The following GRM5 variants were observed in gnomAD, a reference collection of about 807,000 sequenced individuals.
GRM5 encodes the protein glutamate metabotropic receptor 5, also known as metabotropic glutamate receptor 5.
A neutral mutation model predicts 83.1 loss-of-function variants in GRM5; 19 were observed. The observed-to-expected ratio is 0.23, with a 90% confidence interval of 0.16 to 0.34. GRM5 has a LOEUF of 0.34. GRM5 is among the 10% of genes least tolerant of loss of function. GRM5 has a pLI of 1.00. For synonymous variants in GRM5, 675 were observed against 633.6 expected, an observed-to-expected ratio of 1.07 and a Z score of -0.98; for missense variants, 1,160 against 1,588.3, an observed-to-expected ratio of 0.73 and a Z score of 4.58.
Position 88,984,770 on chromosome 11 carries a change from C to T in GRM5, c.661+62442G>A, listed in dbSNP as rs147900061. 2,311 of 736,858 alleles carry T rather than the reference C, an allele frequency of 3.1e-3. 15 individuals are homozygous for T. Among genetic ancestry groups the T allele is most frequent in the African/African-American group, 0.023 (1,344 of 58,262 alleles). The allele number at this position is 736,858 out of a possible 1,614,324, so 45.6% of individuals were successfully genotyped here. On this transcript the variant is annotated intron_variant, in intron 2 of 9. Coordinates refer to ENST00000305447, the MANE Select transcript of GRM5 (RefSeq NM_001143831.3). ...AAAGGTATTTATTTGAATTACAGCA[C>T]TGCTGGGGAAACAGAGAGACAGCAC...
At chr11:88,786,219 T>A (rs948692795) in intron 3 of GRM5, among the ~76,000 whole-genome samples, 3 of 152,102 alleles carry the variant, frequency 2.0e-5, no homozygotes, top group Admixed American at 2.0e-4. Context: ...GAGGTAACAC[T>A]GGGCATGTGT....
At chr11:88,753,638 C>A (rs564120753) in intron 3 of GRM5, among the ~76,000 whole-genome samples, 1 of 152,154 alleles carries the variant, frequency 6.6e-6, no homozygotes, top group South Asian at 2.1e-4. Context: ...TTCATTGAAG[C>A]ACTATTCACA....
chr11:88,826,243 C>A (rs1053893533), intron 3 of GRM5, among the ~76,000 whole-genome samples: 1 of 151,994 alleles, frequency 6.6e-6, no homozygotes, highest in African/African-American at 2.4e-5. Flanking sequence ...TCATCTAATA[C>A]AAGAAAGAGT....
chr11:88,732,884 C>T (rs1277503918), intron 3 of GRM5, among the ~76,000 whole-genome samples: 1 of 151,950 alleles, frequency 6.6e-6, no homozygotes, highest in Non-Finnish European at 1.5e-5. Flanking sequence ...TTTTCCAGGA[C>T]TGAGTGGCAG....
intron 9 of GRM5, among the ~76,000 whole-genome samples, chr11:88,521,067 T>C (rs1174771260): frequency 1.3e-5 from 2 of 152,086 alleles, no homozygotes; most frequent in African/African-American, 4.8e-5. Context: ...AAAGAGAGAC[T>C]AGGAGGCTCA....
intron 3 of GRM5, among the ~76,000 whole-genome samples, chr11:88,792,076 A>G (rs1943184364): frequency 6.6e-6 from 1 of 152,118 alleles, no homozygotes; most frequent in South Asian, 2.1e-4. Flanking sequence ...CCCAGGAATA[A>G]GACTCACTCT....
intron 3 of GRM5, among the ~76,000 whole-genome samples, chr11:88,759,074 A>G (rs780333246): frequency 1.3e-5 from 2 of 152,146 alleles, no homozygotes; most frequent in Non-Finnish European, 2.9e-5. Context: ...TACAACTCCC[A>G]AAGAAAGAAC....
chr11:88,564,628 A>T (rs1389831645), intron 8 of GRM5, among the ~76,000 whole-genome samples: 1 of 152,156 alleles, frequency 6.6e-6, no homozygotes, highest in African/African-American at 2.4e-5. Context: ...CAAGCAAAAA[A>T]AGTACCTACC....
intron 7 of GRM5, among the ~76,000 whole-genome samples, chr11:88,574,097 G>C (rs1230057302): frequency 6.6e-6 from 1 of 152,114 alleles, no homozygotes; most frequent in Non-Finnish European, 1.5e-5. Context: ...GTATCATTAA[G>C]GTCTGTCTTC....
In GRM5 at chr11:88,738,676, A is replaced by ACAGTCAC. The variant is rs1379778468; in HGVS notation, c.912-85280_912-85274dup. Among the ~76,000 whole-genome samples the ACAGTCAC allele has an allele frequency of 3.9e-5, 6 of 152,210 alleles. No homozygotes were observed. In the East Asian group the frequency reaches 1.2e-3, roughly 29 times the overall value. ...GATCCTTCCTTCCACCTCATCTAAC[A>ACAGTCAC]CAGTCACTCTTATACATCTCTGTTT... On this transcript the variant is annotated intron_variant, in intron 3 of 9. Transcript: ENST00000305447.
At chr11:88,739,881 T>C (rs1941993517) in intron 3 of GRM5, among the ~76,000 whole-genome samples, 1 of 152,060 alleles carries the variant, frequency 6.6e-6, no homozygotes, top group African/African-American at 2.4e-5. Context: ...GGCTAATTGT[T>C]TTACAGAATA....
chr11:88,635,872 G>A (rs1174364597), intron 4 of GRM5, among the ~76,000 whole-genome samples: 1 of 152,174 alleles, frequency 6.6e-6, no homozygotes, highest in African/African-American at 2.4e-5. Flanking sequence ...ATGGTGTGAA[G>A]TAAGGGTCCA....
At chr11:88,809,172 G>T (rs1943547399) in intron 3 of GRM5, among the ~76,000 whole-genome samples, 1 of 151,988 alleles carries the variant, frequency 6.6e-6, no homozygotes, top group African/African-American at 2.4e-5. Flanking sequence ...TTTCTTATAA[G>T]GGAGGAATTA....
intron 3 of GRM5, among the ~76,000 whole-genome samples, chr11:88,795,511 C>T (rs886647955): frequency 4.6e-5 from 7 of 152,124 alleles, no homozygotes; most frequent in Non-Finnish European, 7.4e-5. Flanking sequence ...GGATTGCTTT[C>T]CATTTGAAGG....
At chr11:88,661,413 G>C (rs986245391) in intron 3 of GRM5, among the ~76,000 whole-genome samples, 1 of 151,950 alleles carries the variant, frequency 6.6e-6, no homozygotes, top group Non-Finnish European at 1.5e-5. Flanking sequence ...TTATCTACCT[G>C]ATGTTATTAA....
At chr11:88,856,362 G>C (rs1164218106) in intron 2 of GRM5, among the ~76,000 whole-genome samples, 1 of 151,692 alleles carries the variant, frequency 6.6e-6, no homozygotes, top group Non-Finnish European at 1.5e-5. Flanking sequence ...TATTAACCTA[G>C]GCCTACACAG....
intron 2 of GRM5, among the ~76,000 whole-genome samples, chr11:88,924,185 G>A (rs1183226321): frequency 6.6e-6 from 1 of 151,210 alleles, no homozygotes; most frequent in African/African-American, 2.4e-5. Context: ...TGGAGAATAG[G>A]TAACTCATGT....
At position 88,606,899 on chromosome 11, in the gene GRM5, A is replaced by G. The variant is rs146789850; in HGVS notation, c.1148-1935T>C. On this transcript the variant is annotated intron_variant, in intron 4 of 9. Coordinates refer to ENST00000305447, the MANE Select transcript of GRM5 (RefSeq NM_001143831.3). Reference sequence around the variant, plus strand: ...TGAAAGAAAGAGCTGAGGTAAAGCCAGAGCTTATCATTTTGGAAGAAATGT... The same window carrying G: ...TGAAAGAAAGAGCTGAGGTAAAGCCGGAGCTTATCATTTTGGAAGAAATGT... 1.9e-4 allele frequency among the ~76,000 whole-genome samples: 29 copies of G among 152,012 alleles called. No individual in the cohort carries two copies. The East Asian group carries it at 3.5e-3, about 18-fold the overall frequency.
rs115234252 is a variant in GRM5 at position 88,854,444 on chromosome 11, T to G, written c.662-4289A>C. On this transcript the variant is annotated intron_variant, in intron 2 of 9. Transcript: ENST00000305447. ...TTTTTTCCTCAGATCGTAACAGATT[T>G]TAATAATTCAACCTCAAATACTGTT... Among the ~76,000 whole-genome samples the G allele has an allele frequency of 1.6e-3, 236 of 152,092 alleles. 1 individual carries two copies. Among genetic ancestry groups the G allele is most frequent in the African/African-American group, 5.3e-3 (221 of 41,532 alleles).
Sources: allele counts gnomAD v4.1 joint callset (sites outside exome capture counted in the v4.1 genomes callset), GRCh38; gene constraint gnomAD v4.1.1; transcripts MANE v1.5; gene names NCBI Gene and HGNC (gene_info 2026-07-23, HGNC 2026-07-21).